The following NTPCR variants were observed in gnomAD, a reference collection of about 807,000 sequenced individuals.
NTPCR encodes the protein nucleoside-triphosphatase, cancer-related, also known as cancer-related nucleoside-triphosphatase.
NTPCR carries 15 observed loss-of-function variants against 19.5 expected under a neutral mutation model. The observed-to-expected ratio is 0.77, with a 90% CI of 0.51 to 1.18. The LOEUF is 1.18. Ranked by LOEUF, NTPCR falls within the 50% of genes most tolerant of loss-of-function variation. NTPCR has a pLI of 0.00. For synonymous variants in NTPCR, 90 were observed against 95.8 expected (o/e 0.94, Z 0.36); for missense variants, 206 against 240.4 (o/e 0.86, Z 0.95).
At chr1:232,963,217 G>A (rs1668716386) in intron 3 of NTPCR, 1 of 152,204 alleles carries the variant, frequency 6.6e-6, no homozygotes, top group Admixed American at 6.5e-5. Flanking sequence ...CATTCCTGCA[G>A]TGAATCAGCA....
intron 3 of NTPCR, among the ~76,000 whole-genome samples, chr1:232,961,199 G>A (rs897645127): frequency 1.3e-5 from 2 of 152,162 alleles, no homozygotes; most frequent in African/African-American, 4.8e-5. Flanking sequence ...TTCAGGTTCC[G>A]TATCACCATT....
chr1:232,962,012 A>T (rs1028664699), intron 3 of NTPCR: 5 of 152,216 alleles, frequency 3.3e-5, no homozygotes, highest in Admixed American at 6.5e-5. Context: ...TTCTTCAAAA[A>T]ATGGCCTTGT....
At position 232,981,214 on chromosome 1, in the gene NTPCR, T is replaced by G. The variant is rs1669271743; in HGVS notation, c.*2983T>G. The stretch of plus-strand genomic sequence containing the variant: ...CACATGCAGGGAGATGGGTGAGTCT[T>G]TTAAATGGATAGTGTCATCTCTGAT... On this transcript the variant is annotated 3_prime_UTR_variant, in exon 5 of 5. Transcript: ENST00000366628. The G allele has an allele frequency of 6.6e-6, 1 of 152,180 alleles. No individual in the cohort carries two copies. The highest frequency in any genetic ancestry group is 6.5e-5 in the Admixed American group (1 of 15,278). 9.4% of individuals were successfully genotyped at this position (152,180 alleles called of 1,614,324 possible).
intron 3 of NTPCR, among the ~76,000 whole-genome samples, chr1:232,957,667 C>T (rs1267290886): frequency 2.0e-5 from 3 of 152,098 alleles, no homozygotes; most frequent in African/African-American, 7.2e-5. Flanking sequence ...ATCTATTTAT[C>T]AGATATTTAT....
In NTPCR at chr1:232,981,840, C is replaced by T. The variant is rs1669292773; in HGVS notation, c.*3609C>T. 1 of 151,532 alleles carries T rather than the reference C, an allele frequency of 6.6e-6. No individual in the cohort carries two copies. The highest frequency in any genetic ancestry group is 2.4e-5 in the African/African-American group (1 of 41,214). 9.4% of individuals were successfully genotyped at this position (151,532 alleles called of 1,614,324 possible). A position where few individuals can be genotyped will look rare whatever the true frequency, so the allele number is the denominator to read the frequency against. On this transcript the variant is annotated 3_prime_UTR_variant, in exon 5 of 5. Transcript: ENST00000366628. ...TCAAGCGATTCTCCTGCCTCAACCT[C>T]CTGAGTAGCTGGGATTACAGGCACC...
At chr1:232,960,616 A>G (rs2102743795) in intron 3 of NTPCR, among the ~76,000 whole-genome samples, 1 of 152,232 alleles carries the variant, frequency 6.6e-6, no homozygotes, top group East Asian at 1.9e-4. Flanking sequence ...TGCTGGGATT[A>G]CAGGCGTGAA....
intron 3 of NTPCR, among the ~76,000 whole-genome samples, 188 bp downstream of exon 3, chr1:232,956,631 A>G (rs189180766): frequency 4.3e-4 from 66 of 152,332 alleles, no homozygotes; most frequent in Non-Finnish European, 6.8e-4. Flanking sequence ...ATAAATTCCT[A>G]TAAATTCAGT....
chr1:232,970,076 T>C lies in NTPCR; in HGVS notation c.462T>C (p.Leu154=), dbSNP rs1360723220. The change falls in exon 4 of 5, where the codon CTT becomes CTC. Residue 154 remains leucine, a synonymous_variant. Coordinates refer to ENST00000366628, the MANE Select transcript of NTPCR (RefSeq NM_032324.3). ...TTCCTAAAGGAAAGCCACTGGCTCT[T>C]GTAGAAGAAATCAGAAACAGAAAGG... ...IPVPKGKPLA[L]VEEIRNRKDV... is the part of the protein sequence containing the mutation. The C allele has an allele frequency of 1.2e-6, 2 of 1,614,164 alleles. No individual in the cohort carries two copies. Among genetic ancestry groups the C allele is most frequent in the Admixed American group, 3.3e-5 (2 of 60,028 alleles).
rs554656328 is a variant in NTPCR, at chr1:232,961,476, A to T, written c.294+5033A>T. On this transcript the variant is annotated intron_variant, in intron 3 of 4. Coordinates refer to ENST00000366628, the MANE Select transcript of NTPCR (RefSeq NM_032324.3). ...ATTTTTCAGTTACTAATGGGGTTAA[A>T]TGTTTTTCAGTTGTTCATTAAGTTT... Among the ~76,000 whole-genome samples, 5 of 152,302 alleles carry T rather than the reference A, an allele frequency of 3.3e-5. No homozygotes were observed. In the South Asian group the frequency reaches 8.3e-4, roughly 25 times the overall value.
chr1:232,976,650 C>T, intron 4 of NTPCR: 1 of 1,367,514 alleles, frequency 7.3e-7, no homozygotes, highest in South Asian at 1.6e-5. Flanking sequence ...AGTGGAGCCA[C>T]AGCCGCCCAG....
chr1:232,963,829 C>CTGTGTGTGTGTG (rs756296946), intron 3 of NTPCR: 27 of 115,558 alleles, frequency 2.3e-4, no homozygotes, highest in African/African-American at 7.2e-4. Context: ...TGCTTATTCT[C>CTGTGTGTGTGTG]TCTCTCTGTG....
At chr1:232,960,896 T>C (rs1668653810) in intron 3 of NTPCR, among the ~76,000 whole-genome samples, 2 of 152,154 alleles carry the variant, frequency 1.3e-5, no homozygotes, top group Non-Finnish European at 2.9e-5. Flanking sequence ...AAAATAAAAA[T>C]AAAAAACACA....
chr1:232,967,158 C>T (rs553286466), intron 3 of NTPCR: 3 of 152,296 alleles, frequency 2.0e-5, no homozygotes, highest in African/African-American at 7.2e-5. Context: ...TGTTTACTTA[C>T]TTATTTCTTT....
chr1:232,954,918 AGGT>A (rs1036377772), intron 1 of NTPCR, among the ~76,000 whole-genome samples: 2 of 152,162 alleles, frequency 1.3e-5, no homozygotes, highest in Non-Finnish European at 2.9e-5. Context: ...TGGGGGATAA[AGGT>A]GAAGAAATGC....
chr1:232,975,075 A>G (rs1669089612), intron 4 of NTPCR, among the ~76,000 whole-genome samples: 1 of 152,238 alleles, frequency 6.6e-6, no homozygotes, highest in South Asian at 2.1e-4. Flanking sequence ...ATGTCATAAC[A>G]TTGAAAATGT....
At position 232,950,650 on chromosome 1, in the gene NTPCR, T is replaced by A; in HGVS notation, c.-61T>A. 7.1e-7 allele frequency: 1 copy of A among 1,407,802 alleles called. No individual in the cohort carries two copies. Among genetic ancestry groups the A allele is most frequent in the South Asian group, 1.2e-5 (1 of 85,916 alleles). 87.2% of individuals were successfully genotyped at this position (1,407,802 alleles called of 1,614,324 possible). ...TCGCGACCCTGGTCCGGACCTGACC[T>A]GAATTGCGACCCCAACCTGGACTGC... On this transcript the variant is annotated 5_prime_UTR_variant, in exon 1 of 5. Coordinates refer to ENST00000366628, the MANE Select transcript of NTPCR (RefSeq NM_032324.3).
chr1:232,975,843 C>G (rs1162556720), intron 4 of NTPCR, among the ~76,000 whole-genome samples: 1 of 152,200 alleles, frequency 6.6e-6, no homozygotes, highest in Admixed American at 6.5e-5. Flanking sequence ...GCTCCCAGTT[C>G]CCTCTTCTAA....
rs532154798 is a variant in NTPCR, at chr1:232,970,436, C to T, written c.504+318C>T. On this transcript the variant is annotated intron_variant, in intron 4 of 4. Coordinates refer to ENST00000366628, the MANE Select transcript of NTPCR (RefSeq NM_032324.3). Reference sequence around the variant, plus strand: ...TAAGGTGCTTGTTCTAAGCTTATCTCTTCTCAGATTGAAAGGCGCCAGGTT... The same window carrying T: ...TAAGGTGCTTGTTCTAAGCTTATCTTTTCTCAGATTGAAAGGCGCCAGGTT... Among the ~76,000 whole-genome samples, 599 of 152,294 alleles carry T rather than the reference C, an allele frequency of 3.9e-3. 3 individuals carry two copies. The highest frequency in any genetic ancestry group is 9.1e-3 in the Admixed American group (139 of 15,304).
intron 4 of NTPCR, chr1:232,976,258 A>G: frequency 7.8e-6 from 11 of 1,404,382 alleles, no homozygotes; most frequent in East Asian, 2.6e-5. Context: ...GTCACTTTAA[A>G]TTATCATTTT....
Sources: gnomAD v4.1 joint callset for allele counts (sites outside exome capture counted in the v4.1 genomes callset) on GRCh38, gnomAD v4.1.1 for gene constraint, MANE v1.5 for transcripts, NCBI Gene and HGNC (gene_info 2026-07-23, HGNC 2026-07-21) for gene names.